ROPN1: variants seen among roughly 807,000 people sequenced by gnomAD.
ROPN1 encodes ropporin-1A.
In ROPN1, 14 loss-of-function variants were observed where a neutral mutation model predicts 20.5. The observed-to-expected ratio is 0.68, with a 90% CI of 0.45 to 1.07. The LOEUF is 1.07. Ranked by LOEUF, ROPN1 falls within the 50% of genes least tolerant of loss-of-function variation. ROPN1 has a pLI of 0.00. For missense variants in ROPN1, 169 were observed against 242.8 expected, an observed-to-expected ratio of 0.70 and a Z score of 2.02; for synonymous variants, 76 against 95.7, an observed-to-expected ratio of 0.79 and a Z score of 1.20.
At chr3:123,989,848 A>C (rs74511284) in intron 1 of ROPN1, among the ~76,000 whole-genome samples, 3,017 of 152,204 alleles carry the variant, frequency 0.02, 92 homozygotes, top group African/African-American at 0.066. Flanking sequence ...GCCATCCCCT[A>C]TGCACCAAGC....
intron 1 of ROPN1, among the ~76,000 whole-genome samples, chr3:123,989,306 G>T (rs914802725): frequency 3.3e-5 from 5 of 152,144 alleles, no homozygotes; most frequent in African/African-American, 1.2e-4. Context: ...AAGGCAATGG[G>T]GAACCACTAG....
chr3:123,970,036 A>G lies in ROPN1; in HGVS notation c.572+6T>C. 1 of 1,611,226 alleles carries G rather than the reference A, an allele frequency of 6.2e-7. No individual in the cohort carries two copies. Among genetic ancestry groups the G allele is most frequent in the South Asian group, 1.1e-5 (1 of 90,238 alleles). ...TTTCACCTCCACTTGACAAAAGTTA[A>G]CTTACACTTCCTGTTCCATGTAGTT... On this transcript the variant is annotated splice_donor_region_variant and intron_variant, in intron 5 of 5. Coordinates refer to ENST00000405845, the MANE Select transcript of ROPN1 (RefSeq NM_001317774.2).
At chr3:123,991,827 C>T (rs2038417717) in intron 1 of ROPN1, 95 bp downstream of exon 1, 8 of 152,224 alleles carry the variant, frequency 5.3e-5, no homozygotes, top group Admixed American at 5.2e-4. Flanking sequence ...GCTCAGAATC[C>T]AGGGGGCGTC....
In ROPN1 at chr3:123,980,358, G is replaced by A. The variant is rs1359740654; in HGVS notation, c.116+8C>T. 2.4e-5 allele frequency: 39 copies of A among 1,613,920 alleles called. No individual in the cohort carries two copies. Among genetic ancestry groups the A allele is most frequent in the Non-Finnish European group, 3.2e-5 (38 of 1,179,770 alleles). On this transcript the variant is annotated splice_region_variant and intron_variant, in intron 2 of 5. Coordinates refer to ENST00000405845, the MANE Select transcript of ROPN1 (RefSeq NM_001317774.2). ...TCCAAGGGGTGAAGGCGAGAAAGGA[G>A]CACGTACTCGGCTGCCCACTGGATG...
At chr3:123,984,539 C>G (rs952804249) in intron 1 of ROPN1, among the ~76,000 whole-genome samples, 1 of 152,210 alleles carries the variant, frequency 6.6e-6, no homozygotes, top group Non-Finnish European at 1.5e-5. Context: ...GTCTCCCTGT[C>G]TCAGGTCATT....
At chr3:123,987,239 G>A (rs983925448) in intron 1 of ROPN1, among the ~76,000 whole-genome samples, 10 of 152,236 alleles carry the variant, frequency 6.6e-5, no homozygotes, top group African/African-American at 2.4e-4. Context: ...CCTGGTGAGA[G>A]CAGGTTGCTC....
intron 5 of ROPN1, among the ~76,000 whole-genome samples, chr3:123,969,451 A>G (rs2037870080): frequency 6.6e-6 from 1 of 152,026 alleles, no homozygotes; most frequent in African/African-American, 2.4e-5. Context: ...TATTCTCCCA[A>G]TTAACTGATA....
chr3:123,982,283 A>T (rs2038165508), intron 1 of ROPN1, among the ~76,000 whole-genome samples: 1 of 152,244 alleles, frequency 6.6e-6, no homozygotes, highest in South Asian at 2.1e-4. Context: ...AACAATTCTC[A>T]ATGAGTATGC....
Position 123,976,965 on chromosome 3 carries a change from A to G in ROPN1, c.133T>C (p.Ser45Pro), listed in dbSNP as rs748698454. The G allele has an allele frequency of 6.2e-7, 1 of 1,612,778 alleles. No homozygotes were observed. The highest frequency in any genetic ancestry group is 1.1e-5 in the South Asian group (1 of 90,928). Residue 45 changes from serine (S) to proline (P), a missense_variant, in exon 3 of 6, where the codon TCC (serine) becomes CCC (proline). Ser to Pro is a moderately conservative substitution (Grantham distance 74, BLOSUM62 -1). Transcript: ENST00000405845. ...CTCACCGGAGGCGTCTCTCCACGGG[A>G]CAGGGCCTCAAAATAACTACAAGAA... Reference protein sequence around the residue: ...QWAADYFEALSRGETPPVRER... With the variant: ...QWAADYFEALPRGETPPVRER...
Position 123,983,758 on chromosome 3 carries a change from G to C in ROPN1, c.-12-3265C>G, listed in dbSNP as rs186174747. Among the ~76,000 whole-genome samples, 4 of 151,812 alleles carry C rather than the reference G, an allele frequency of 2.6e-5. No homozygotes were observed. In the East Asian group the frequency reaches 7.7e-4, roughly 29 times the overall value. On this transcript the variant is annotated intron_variant, in intron 1 of 5. Transcript: ENST00000405845. ...TCTATTAATTTATTGTAAGTGCCAG[G>C]TGCACTCATAACAGGACCAGTACTG...
chr3:123,977,029 C>T, intron 2 of ROPN1, 48 bp from the exon 3 acceptor site: 1 of 1,528,140 alleles, frequency 6.5e-7, no homozygotes. Context: ...ACACCAGTGG[C>T]CTCTGGCTGT....
chr3:123,969,077 T>G lies in ROPN1; in HGVS notation c.*78A>C, dbSNP rs1354062803. 3 of 1,134,580 alleles carry G rather than the reference T, an allele frequency of 2.6e-6. No individual in the cohort carries two copies. The highest frequency in any genetic ancestry group is 3.4e-5 in the Admixed American group (2 of 58,104). 70.3% of individuals were successfully genotyped at this position (1,134,580 alleles called of 1,614,324 possible). A position where few individuals can be genotyped will look rare whatever the true frequency, so the allele number is the denominator to read the frequency against. ...ACCAGTTGTACAAGAAAATTGATTT[T>G]GGGTGGTATATGGGTTTCAGTCATT... On this transcript the variant is annotated 3_prime_UTR_variant, in exon 6 of 6. Transcript: ENST00000405845.
chr3:123,983,498 A>G (rs2038190994), intron 1 of ROPN1, among the ~76,000 whole-genome samples: 1 of 152,234 alleles, frequency 6.6e-6, no homozygotes, highest in African/African-American at 2.4e-5. Context: ...TTCCATGACA[A>G]CAGTAACAAT....
chr3:123,969,982 G>A, intron 5 of ROPN1, 60 bp downstream of exon 5: 1 of 1,530,230 alleles, frequency 6.5e-7, no homozygotes, highest in Non-Finnish European at 9.0e-7. Flanking sequence ...TCACTATCTT[G>A]GCCAGCTAGA....
intron 4 of ROPN1, 60 bp from the exon 5 acceptor site, chr3:123,970,277 G>A (rs1281249616): frequency 2.0e-5 from 29 of 1,478,548 alleles, no homozygotes; most frequent in African/African-American, 8.5e-5. Flanking sequence ...TCCTGAGATC[G>A]GTTTAGATAC....
chr3:123,982,459 T>C (rs1413947557), intron 1 of ROPN1, among the ~76,000 whole-genome samples: 1 of 152,180 alleles, frequency 6.6e-6, no homozygotes, highest in African/African-American at 2.4e-5. Flanking sequence ...TGGAGAGGGA[T>C]GTTATTAGGG....
In ROPN1 at chr3:123,969,332, C is replaced by CTT. The variant is rs570547983; in HGVS notation, c.573-113_573-112dup. On this transcript the variant is annotated intron_variant, in intron 5 of 5. Transcript: ENST00000405845. ...TAATTCTGCTGTTGCTCCTTTTTCT[C>CTT]TTTTTTTGTTTTGTTTTGTTTTCTG... 1.4e-5 allele frequency: 14 copies of CTT among 969,126 alleles called. No individual in the cohort carries two copies. The Admixed American group carries it at 2.4e-4, about 17-fold the overall frequency. 60.0% of individuals were successfully genotyped at this position (969,126 alleles called of 1,614,324 possible).
intron 1 of ROPN1, among the ~76,000 whole-genome samples, chr3:123,982,297 A>C (rs1236124059): frequency 6.6e-6 from 1 of 152,240 alleles, no homozygotes; most frequent in Non-Finnish European, 1.5e-5. Flanking sequence ...AGTATGCCAC[A>C]GACATCACCA....
intron 4 of ROPN1, among the ~76,000 whole-genome samples, chr3:123,971,355 A>C (rs532742499): frequency 6.6e-6 from 1 of 152,216 alleles, no homozygotes; most frequent in Non-Finnish European, 1.5e-5. Context: ...TTTAAACATA[A>C]TTTGTAATAA....
Sources: allele counts gnomAD v4.1 joint callset (sites outside exome capture counted in the v4.1 genomes callset), GRCh38; gene constraint gnomAD v4.1.1; transcripts MANE v1.5; gene names NCBI Gene and HGNC (gene_info 2026-07-23, HGNC 2026-07-21).